COLQ: variants seen among roughly 807,000 people sequenced by gnomAD.
COLQ encodes the protein collagen like tail subunit of asymmetric acetylcholinesterase, also known as acetylcholinesterase collagenic tail peptide.
A neutral mutation model predicts 69.0 loss-of-function variants in COLQ; 48 were observed. That is an observed-to-expected ratio of 0.70 (90% CI 0.55 to 0.88). The LOEUF is 0.88. COLQ is among the 40% of genes least tolerant of loss of function. The pLI, the probability that COLQ is intolerant of heterozygous loss-of-function variation, is 0.00. For synonymous variants in COLQ, 217 were observed against 211.2 expected (o/e 1.03, Z -0.24); for missense variants, 618 against 594.6 (o/e 1.04, Z -0.41).
rs115652742 is a variant in COLQ at position 15,468,770 on chromosome 3, T to C, written c.717+1766A>G. Among the ~76,000 whole-genome samples, 848 of 152,316 alleles carry C rather than the reference T, an allele frequency of 5.6e-3. 9 individuals are homozygous for C. Among genetic ancestry groups the C allele is most frequent in the African/African-American group, 0.02 (813 of 41,570 alleles). On this transcript the variant is annotated intron_variant, in intron 11 of 16. Coordinates refer to ENST00000383788, the MANE Select transcript of COLQ (RefSeq NM_005677.4). Reference sequence around the variant, plus strand: ...AACTCAACTCTCTGGATTCTAATCCTGGCTTTGAAGCTGACTTCATGGAGG... The same window carrying C: ...AACTCAACTCTCTGGATTCTAATCCCGGCTTTGAAGCTGACTTCATGGAGG...
intron 11 of COLQ, chr3:15,468,019 C>T: frequency 2.2e-6 from 1 of 453,866 alleles, no homozygotes; most frequent in Non-Finnish European, 4.4e-6. Flanking sequence ...CAAGCTGGGT[C>T]TCAGGATGGC....
At position 15,451,229 on chromosome 3, in the gene COLQ, T is replaced by C; in HGVS notation, c.*415A>G. ...TGAGAATGCCTGCACGTTTCGGTGG[T>C]CAGGGGCGGAGAGGCCTGTACTCCA... On this transcript the variant is annotated 3_prime_UTR_variant, in exon 17 of 17. Coordinates refer to ENST00000383788, the MANE Select transcript of COLQ (RefSeq NM_005677.4). 3.8e-6 allele frequency: 1 copy of C among 266,588 alleles called. No homozygotes were observed. The highest frequency in any genetic ancestry group is 7.4e-6 in the Non-Finnish European group (1 of 134,296). 16.5% of individuals were successfully genotyped at this position (266,588 alleles called of 1,614,324 possible). A position where few individuals can be genotyped will look rare whatever the true frequency, so the allele number is the denominator to read the frequency against.
In COLQ at chr3:15,477,181, G is replaced by A; in HGVS notation, c.410C>T (p.Pro137Leu). Residue 137 changes from proline to leucine, a missense_variant, in exon 6 of 17, where the codon CCA becomes CTA. Pro to Leu is a moderately conservative substitution (Grantham distance 98). Transcript: ENST00000383788. Reference protein sequence around the residue: ...RPGRKGRPGPPGVPGMPGPIG... With the variant: ...RPGRKGRPGPLGVPGMPGPIG... ...GGGCCCAGGCATGCCAGGAACACCTGGGGGGCCAGGTCTACCCTTCAAAGA... is the reference window on the plus strand; with the variant it reads ...GGGCCCAGGCATGCCAGGAACACCTAGGGGGCCAGGTCTACCCTTCAAAGA... 6.2e-7 allele frequency: 1 copy of A among 1,605,856 alleles called. No homozygotes were observed. The highest frequency in any genetic ancestry group is 8.5e-7 in the Non-Finnish European group (1 of 1,176,562).
intron 3 of COLQ, 47 bp downstream of exon 3, chr3:15,488,159 T>C (rs371694458): frequency 2.9e-5 from 40 of 1,399,310 alleles, no homozygotes; most frequent in Non-Finnish European, 3.8e-5. Context: ...TGGGCTTTCC[T>C]GCTCTAAACA....
chr3:15,493,952 ACATGCTTGTAATCC>A (rs2062708114), intron 1 of COLQ, among the ~76,000 whole-genome samples: 1 of 152,196 alleles, frequency 6.6e-6, no homozygotes, highest in Admixed American at 6.5e-5. Context: ...CCGTGGTGGC[ACATGCTTGTAATCC>A]CAGCTACTTG....
intron 1 of COLQ, among the ~76,000 whole-genome samples, chr3:15,519,979 C>A (rs554441323): frequency 6.6e-6 from 1 of 152,322 alleles, no homozygotes; most frequent in East Asian, 1.9e-4. Flanking sequence ...ATGCCCTGGC[C>A]ACATGGTGCT....
chr3:15,482,169 C>T (rs1484624617), intron 3 of COLQ, among the ~76,000 whole-genome samples: 4 of 152,132 alleles, frequency 2.6e-5, no homozygotes, highest in African/African-American at 7.2e-5. Flanking sequence ...ACAGGGACAA[C>T]TTGACTTCCT....
chr3:15,453,457 C>A (rs2061977916), intron 16 of COLQ, among the ~76,000 whole-genome samples: 1 of 152,200 alleles, frequency 6.6e-6, no homozygotes, highest in Non-Finnish European at 1.5e-5. Flanking sequence ...GCCCTGAGAC[C>A]TTTACTCTCC....
intron 1 of COLQ, among the ~76,000 whole-genome samples, chr3:15,516,567 G>A (rs542035993): frequency 3.2e-4 from 49 of 152,324 alleles, no homozygotes; most frequent in Non-Finnish European, 6.2e-4. Context: ...GAAACCACAT[G>A]TGTCTGCAGG....
intron 1 of COLQ, among the ~76,000 whole-genome samples, chr3:15,505,714 G>A (rs1393571636): frequency 6.6e-6 from 1 of 152,202 alleles, no homozygotes; most frequent in Non-Finnish European, 1.5e-5. Flanking sequence ...GAATTATTCG[G>A]GAGATCTGGC....
chr3:15,517,805 G>A (rs2063082435), intron 1 of COLQ, among the ~76,000 whole-genome samples: 1 of 152,112 alleles, frequency 6.6e-6, no homozygotes, highest in Non-Finnish European at 1.5e-5. Context: ...ACCTTCTTAA[G>A]CAAGATAAAG....
intron 12 of COLQ, 106 bp downstream of exon 12, chr3:15,466,235 T>C (rs2062197344): frequency 1.3e-6 from 1 of 777,950 alleles, no homozygotes; most frequent in African/African-American, 1.7e-5. Context: ...CTCTGGTAGT[T>C]TCTAACTTGA....
chr3:15,489,441 G>A (rs1404521357), intron 2 of COLQ, 84 bp downstream of exon 2: 1 of 1,256,526 alleles, frequency 8.0e-7, no homozygotes. Context: ...CAGCTCAGGT[G>A]GAGTGGGGCA....
At chr3:15,474,391 T>G in intron 8 of COLQ, 119 bp from the exon 9 acceptor site, 1 of 1,016,650 alleles carries the variant, frequency 9.8e-7, no homozygotes, top group South Asian at 1.3e-5. Context: ...AGAAATAGGC[T>G]CAGATATGTC....
intron 12 of COLQ, among the ~76,000 whole-genome samples, chr3:15,466,067 T>C (rs1445343907): frequency 6.6e-6 from 1 of 152,266 alleles, no homozygotes; most frequent in African/African-American, 2.4e-5. Flanking sequence ...GTTCCTGTTA[T>C]TTTTCACTTA....
chr3:15,512,346 C>T (rs544424202), intron 1 of COLQ, among the ~76,000 whole-genome samples: 3 of 152,136 alleles, frequency 2.0e-5, no homozygotes, highest in South Asian at 2.1e-4. Context: ...CTCCCAAACA[C>T]GCGCCCCATG....
At position 15,456,529 on chromosome 3, in the gene COLQ, G is replaced by A. The variant is rs770819352; in HGVS notation, c.1005C>T (p.Asn335=). 3.2e-5 allele frequency: 51 copies of A among 1,614,058 alleles called. No individual in the cohort carries two copies. The East Asian group carries it at 4.2e-4, about 13-fold the overall frequency. Residue 335 remains asparagine, a synonymous_variant, in exon 14 of 17, where the codon AAC becomes AAT. Coordinates refer to ENST00000383788, the MANE Select transcript of COLQ (RefSeq NM_005677.4). ...TCTGGTCTCTGCGGAAGGCAATGGC[G>A]TTTTGGGTGTTCAGCCTCTCAAGCT... is the stretch of plus-strand genomic sequence containing the variant. ...QEELERLNTQ[N]AIAFRRDQRS...
Position 15,505,712 on chromosome 3 carries a change from C to T in COLQ, c.106+15808G>A, listed in dbSNP as rs562852463. Among the ~76,000 whole-genome samples, 13 of 152,324 alleles carry T rather than the reference C, an allele frequency of 8.5e-5. 1 individual carries two copies. The South Asian group carries it at 2.3e-3, about 27-fold the overall frequency. Reference sequence around the variant, plus strand: ...GGGAGGACAAGTTTGTAGAATTATTCGGGAGATCTGGCCATAGGTCAGAGA... The same window carrying T: ...GGGAGGACAAGTTTGTAGAATTATTTGGGAGATCTGGCCATAGGTCAGAGA... On this transcript the variant is annotated intron_variant, in intron 1 of 16. Transcript: ENST00000383788.
chr3:15,470,401 C>T (rs961645669), intron 11 of COLQ, 135 bp downstream of exon 11: 8 of 818,216 alleles, frequency 9.8e-6, no homozygotes, highest in African/African-American at 6.7e-5. Flanking sequence ...GTGCTGCTCC[C>T]GTCTGCTAGC....
Sources: allele counts gnomAD v4.1 joint callset (sites outside exome capture counted in the v4.1 genomes callset), GRCh38; gene constraint gnomAD v4.1.1; transcripts MANE v1.5; gene names NCBI Gene and HGNC (gene_info 2026-07-23, HGNC 2026-07-21).